TOR3A: variants seen among roughly 807,000 people sequenced by gnomAD.
TOR3A encodes the protein torsin family 3 member A.
A neutral mutation model predicts 42.1 loss-of-function variants in TOR3A; 44 were observed. That is an observed-to-expected ratio of 1.04 (90% CI 0.82 to 1.34). TOR3A has a LOEUF of 1.34. Ranked by LOEUF, TOR3A falls within the 40% of genes most tolerant of loss-of-function variation. TOR3A has a pLI of 0.00. For missense variants in TOR3A, 521 were observed against 507.6 expected, an observed-to-expected ratio of 1.03 and a Z score of -0.25; for synonymous variants, 227 against 213.2, an observed-to-expected ratio of 1.06 and a Z score of -0.57.
chr1:179,083,843 T>C lies in TOR3A; in HGVS notation c.373+790T>C, dbSNP rs1572572281. On this transcript the variant is annotated intron_variant, in intron 2 of 5. Transcript: ENST00000367627. ...ACATTTGCAAAAGCTTCCTCTCTTT[T>C]CCCCAGGAGCAATTTCTTGCCCAGA... Among the ~76,000 whole-genome samples the C allele has an allele frequency of 6.6e-5, 10 of 152,288 alleles. 1 individual carries two copies. In the South Asian group the frequency reaches 2.1e-3, roughly 32 times the overall value.
chr1:179,092,775 A>G (rs752968462), intron 4 of TOR3A, among the ~76,000 whole-genome samples: 9 of 152,002 alleles, frequency 5.9e-5, no homozygotes, highest in South Asian at 2.1e-4. Flanking sequence ...CGGGAGGCAG[A>G]GGCTGCTGTG....
Position 179,095,627 on chromosome 1 carries a change from C to T in TOR3A, c.*409C>T, listed in dbSNP as rs1292255689. The T allele has an allele frequency of 8.7e-6, 9 of 1,038,250 alleles. No homozygotes were observed. Among genetic ancestry groups the T allele is most frequent in the Non-Finnish European group, 1.0e-5 (9 of 863,002 alleles). The allele number at this position is 1,038,250 out of a possible 1,614,324, so 64.3% of individuals were successfully genotyped here. ...TGGTCTCCTTAGCATCTCAGCTCTT[C>T]TGCAAGGAAGAGCTTGGGTGTTAGG... On this transcript the variant is annotated 3_prime_UTR_variant, in exon 6 of 6. Coordinates refer to ENST00000367627, the MANE Select transcript of TOR3A (RefSeq NM_022371.4).
chr1:179,091,310 G>C (rs1652575402), intron 4 of TOR3A, among the ~76,000 whole-genome samples: 1 of 152,300 alleles, frequency 6.6e-6, no homozygotes, highest in Admixed American at 6.5e-5. Flanking sequence ...GATGAGCTGG[G>C]AGGCTGTGGA....
Position 179,094,224 on chromosome 1 carries a change from A to G in TOR3A, c.943+7A>G. The G allele has an allele frequency of 6.2e-7, 1 of 1,610,366 alleles. No homozygotes were observed. The highest frequency in any genetic ancestry group is 1.1e-5 in the South Asian group (1 of 90,288). On this transcript the variant is annotated splice_region_variant and intron_variant, in intron 5 of 5. Transcript: ENST00000367627. ...GAGATTGTGGAGACCATAGGTGAGTAACTGACTCAATATGCCTCTGGTGAG... is the reference window on the plus strand; with the variant it reads ...GAGATTGTGGAGACCATAGGTGAGTGACTGACTCAATATGCCTCTGGTGAG...
At position 179,095,762 on chromosome 1, in the gene TOR3A, GT is replaced by G. The variant is rs1427357259; in HGVS notation, c.*545del. 1 of 989,346 alleles carries G rather than the reference GT, an allele frequency of 1.0e-6. No homozygotes were observed. The highest frequency in any genetic ancestry group is 1.7e-5 in the African/African-American group (1 of 57,208). 61.3% of individuals were successfully genotyped at this position (989,346 alleles called of 1,614,324 possible). A position where few individuals can be genotyped will look rare whatever the true frequency, so the allele number is the denominator to read the frequency against. On this transcript the variant is annotated 3_prime_UTR_variant, in exon 6 of 6. Coordinates refer to ENST00000367627, the MANE Select transcript of TOR3A (RefSeq NM_022371.4). ...TGCAGGCTGGTGGGCTTTCAAATTG[GT>G]ACTTCCAGAGGAAAGCCAAGCTGCT...
intron 3 of TOR3A, 120 bp from the exon 4 acceptor site, chr1:179,087,789 GGC>G (rs1652471283): frequency 1.2e-6 from 1 of 852,286 alleles, no homozygotes; most frequent in Non-Finnish European, 1.7e-6. Flanking sequence ...TCTGGCGGGG[GGC>G]GGGGGGTGGG....
intron 1 of TOR3A, 112 bp downstream of exon 1, chr1:179,082,499 T>C: frequency 7.0e-7 from 1 of 1,421,540 alleles, no homozygotes; most frequent in Non-Finnish European, 9.3e-7. Context: ...GCAGTCCTGC[T>C]CTGCTCAGCC....
At chr1:179,087,180 C>T (rs142156677) in intron 3 of TOR3A, among the ~76,000 whole-genome samples, 94 of 152,342 alleles carry the variant, frequency 6.2e-4, no homozygotes, top group African/African-American at 2.1e-3. Context: ...ATATTCCCTG[C>T]CCATTTCGAT....
At chr1:179,094,429 G>A (rs1340272082) in intron 5 of TOR3A, among the ~76,000 whole-genome samples, 1 of 152,206 alleles carries the variant, frequency 6.6e-6, no homozygotes, top group East Asian at 1.9e-4. Flanking sequence ...ATAGTAGTTT[G>A]CACTGGCCCC....
intron 2 of TOR3A, 45 bp from the exon 3 acceptor site, chr1:179,085,583 G>A: frequency 6.2e-7 from 1 of 1,602,292 alleles, no homozygotes; most frequent in East Asian, 2.2e-5. Flanking sequence ...TGGTGGATGG[G>A]CCTGTGTGTG....
chr1:179,093,124 G>A (rs1652638467), intron 4 of TOR3A, among the ~76,000 whole-genome samples: 1 of 152,194 alleles, frequency 6.6e-6, no homozygotes. Context: ...AGAGTGCAGT[G>A]AGGTGGGGGA....
At chr1:179,086,996 G>A (rs911625596) in intron 3 of TOR3A, among the ~76,000 whole-genome samples, 3 of 152,092 alleles carry the variant, frequency 2.0e-5, no homozygotes, top group Admixed American at 6.5e-5. Context: ...GGCTGAGCTG[G>A]GCCTTTCCGG....
rs1485919532 is a variant in TOR3A at position 179,095,039 on chromosome 1, G to C, written c.1015G>C (p.Glu339Gln). ...CTACTTCATCCCCTTCCTGCCTTTGGAGTACCGTCACGTGAGGCTGTGTGC... is the reference window on the plus strand; with the variant it reads ...CTACTTCATCCCCTTCCTGCCTTTGCAGTACCGTCACGTGAGGCTGTGTGC... ...IDYFIPFLPL[E>Q]YRHVRLCARD... The change falls in exon 6 of 6, where the codon GAG becomes CAG. Residue 339 changes from glutamate (E) to glutamine (Q), a missense_variant. Glu to Gln is a conservative substitution (Grantham distance 29, BLOSUM62 2). Coordinates refer to ENST00000367627, the MANE Select transcript of TOR3A (RefSeq NM_022371.4). 2 of 1,614,178 alleles carry C rather than the reference G, an allele frequency of 1.2e-6. No individual in the cohort carries two copies. The highest frequency in any genetic ancestry group is 1.7e-6 in the Non-Finnish European group (2 of 1,180,040).
At chr1:179,094,270 A>T in intron 5 of TOR3A, 53 bp downstream of exon 5, 1 of 1,577,440 alleles carries the variant, frequency 6.3e-7, no homozygotes, top group Non-Finnish European at 8.6e-7. Flanking sequence ...GGTGATAATT[A>T]ATGTGTTTGT....
At chr1:179,084,092 A>G (rs72709446) in intron 2 of TOR3A, among the ~76,000 whole-genome samples, 5,328 of 152,232 alleles carry the variant, frequency 0.035, 129 homozygotes, top group Non-Finnish European at 0.054. Flanking sequence ...TGTCCTCAAC[A>G]TGCCTTTTGT....
intron 4 of TOR3A, among the ~76,000 whole-genome samples, chr1:179,090,672 A>G (rs1652555927): frequency 6.6e-6 from 1 of 152,142 alleles, no homozygotes; most frequent in African/African-American, 2.4e-5. Flanking sequence ...TGGTGCTCAG[A>G]GCCTGTCCTT....
intron 4 of TOR3A, chr1:179,088,336 C>T (rs1039111606): frequency 3.4e-6 from 1 of 292,096 alleles, no homozygotes; most frequent in African/African-American, 2.2e-5. Flanking sequence ...AGTGAAACCC[C>T]ATCTCTACAA....
At chr1:179,094,832 C>A in intron 5 of TOR3A, 136 bp from the exon 6 acceptor site, 1 of 820,044 alleles carries the variant, frequency 1.2e-6, no homozygotes. Flanking sequence ...GAGCCCAGAT[C>A]TCACCACTGC....
Position 179,082,214 on chromosome 1 carries a change from C to G in TOR3A, c.86C>G (p.Pro29Arg). 6.6e-7 allele frequency: 1 copy of G among 1,509,992 alleles called. No homozygotes were observed. The highest frequency in any genetic ancestry group is 1.2e-5 in the South Asian group (1 of 80,674). 93.5% of individuals were successfully genotyped at this position (1,509,992 alleles called of 1,614,324 possible). ...GAPEPRGASR[P>R]WEGTDEPGSA... ...CCTGAGCCCCGCGGCGCCTCCAGGCCGTGGGAGGGAACCGACGAGCCGGGC... is the reference window on the plus strand; with the variant it reads ...CCTGAGCCCCGCGGCGCCTCCAGGCGGTGGGAGGGAACCGACGAGCCGGGC... The change falls in exon 1 of 6, where the codon CCG becomes CGG. Residue 29 changes from proline (P) to arginine (R), a missense_variant. By Grantham distance (103) the Pro-to-Arg change is moderately radical. Coordinates refer to ENST00000367627, the MANE Select transcript of TOR3A (RefSeq NM_022371.4).
Sources: gnomAD v4.1 joint callset for allele counts (sites outside exome capture counted in the v4.1 genomes callset) on GRCh38, gnomAD v4.1.1 for gene constraint, MANE v1.5 for transcripts, NCBI Gene and HGNC (gene_info 2026-07-23, HGNC 2026-07-21) for gene names.